NELL1: variants seen among roughly 807,000 people sequenced by gnomAD.
NELL1 encodes the protein neural EGFL like 1, also known as protein kinase C-binding protein NELL1.
In NELL1, 76 loss-of-function variants were observed where a neutral mutation model predicts 107.4. The ratio of observed to expected loss-of-function variants is 0.71; its 90% CI spans 0.59 to 0.86. The LOEUF (loss-of-function observed/expected upper bound fraction) is 0.86. Ranked by LOEUF, NELL1 falls within the 40% of genes least tolerant of loss-of-function variation. The probability of loss-of-function intolerance (pLI) is 0.00; values close to 1 mark genes in which losing one functional copy is unlikely to be tolerated. For missense variants in NELL1, 1,024 were observed against 1,005.5 expected (o/e 1.02, Z -0.25); for synonymous variants, 353 against 341.2 (o/e 1.03, Z -0.38).
At chr11:20,862,834 T>C (rs1849005051) in intron 4 of NELL1, among the ~76,000 whole-genome samples, 1 of 152,124 alleles carries the variant, frequency 6.6e-6, no homozygotes, top group Admixed American at 6.5e-5. Context: ...TTCAAGCATC[T>C]GTTCAACAAA....
intron 5 of NELL1, among the ~76,000 whole-genome samples, chr11:20,911,283 A>G (rs563921626): frequency 3.3e-5 from 5 of 152,312 alleles, no homozygotes; most frequent in South Asian, 4.1e-4. Context: ...AATACTTCCT[A>G]TGTTACAGAC....
intron 2 of NELL1, among the ~76,000 whole-genome samples, chr11:20,695,411 A>G (rs1565311508): frequency 6.6e-6 from 1 of 152,066 alleles, no homozygotes; most frequent in Non-Finnish European, 1.5e-5. Flanking sequence ...CCTGTCCAAT[A>G]CGATGGTGGC....
chr11:21,010,287 G>A (rs906636882), intron 12 of NELL1, among the ~76,000 whole-genome samples: 7 of 151,804 alleles, frequency 4.6e-5, no homozygotes, highest in Non-Finnish European at 1.0e-4. Flanking sequence ...TGCTTGTATT[G>A]CTATATTTTA....
In NELL1 at chr11:21,304,668, A is replaced by G. The variant is rs908375873; in HGVS notation, c.1550-66185A>G. 2.0e-5 allele frequency among the ~76,000 whole-genome samples: 3 copies of G among 151,800 alleles called. No homozygotes were observed. In the East Asian group the frequency reaches 5.8e-4, roughly 30 times the overall value. Reference sequence around the variant, plus strand: ...TATTTTCCTGACAGCTTACATTGTAAATCTTCTGCACTCCTATTTTGTCTT... The same window carrying G: ...TATTTTCCTGACAGCTTACATTGTAGATCTTCTGCACTCCTATTTTGTCTT... On this transcript the variant is annotated intron_variant, in intron 14 of 19. Coordinates refer to ENST00000357134, the MANE Select transcript of NELL1 (RefSeq NM_006157.5).
chr11:21,004,065 C>T (rs1163356189), intron 12 of NELL1, among the ~76,000 whole-genome samples: 1 of 152,036 alleles, frequency 6.6e-6, no homozygotes, highest in Non-Finnish European at 1.5e-5. Context: ...TCACTAATGC[C>T]CTTTGATCCA....
At chr11:21,540,867 T>TA (rs1007920913) in intron 16 of NELL1, among the ~76,000 whole-genome samples, 1 of 152,026 alleles carries the variant, frequency 6.6e-6, no homozygotes, top group African/African-American at 2.4e-5. Context: ...TGAAGTCATT[T>TA]AAAAAAAGAC....
chr11:21,383,014 C>T (rs975195509), intron 15 of NELL1, among the ~76,000 whole-genome samples: 1 of 151,896 alleles, frequency 6.6e-6, no homozygotes, highest in Non-Finnish European at 1.5e-5. Context: ...AGTAACTAGC[C>T]ATAAGTCTTT....
At chr11:21,491,296 G>T (rs530746793) in intron 15 of NELL1, among the ~76,000 whole-genome samples, 43 of 152,086 alleles carry the variant, frequency 2.8e-4, no homozygotes, top group Non-Finnish European at 4.6e-4. Context: ...GAATGCTAAT[G>T]CCTAGATTTT....
At chr11:20,763,772 C>T (rs532403952) in intron 2 of NELL1, among the ~76,000 whole-genome samples, 10 of 152,306 alleles carry the variant, frequency 6.6e-5, no homozygotes, top group African/African-American at 2.4e-4. Context: ...TGAGAAGCAC[C>T]AGGGTGAGGC....
chr11:20,897,085 A>G (rs1270484792), intron 5 of NELL1, among the ~76,000 whole-genome samples: 1 of 152,214 alleles, frequency 6.6e-6, no homozygotes, highest in Admixed American at 6.5e-5. Context: ...ATGGAACTAA[A>G]AAAGAGCCCG....
rs76292965 is a variant in NELL1, at chr11:21,150,913, G to A, written c.1426+37199G>A. Among the ~76,000 whole-genome samples, 114 of 152,216 alleles carry A rather than the reference G, an allele frequency of 7.5e-4. 1 individual carries two copies. The East Asian group carries it at 0.019, about 26-fold the overall frequency. On this transcript the variant is annotated intron_variant, in intron 13 of 19. Coordinates refer to ENST00000357134, the MANE Select transcript of NELL1 (RefSeq NM_006157.5). ...GGAGACTTATAATCATGGTGGAAGG[G>A]CAAAGGGGAAATAAGCACCTTCTTC...
intron 3 of NELL1, among the ~76,000 whole-genome samples, chr11:20,841,105 T>G (rs1348271876): frequency 6.6e-6 from 1 of 152,188 alleles, no homozygotes; most frequent in East Asian, 1.9e-4. Flanking sequence ...TAAAAGTTTA[T>G]TTTTGTTTAC....
intron 14 of NELL1, among the ~76,000 whole-genome samples, chr11:21,362,781 G>C (rs1180496514): frequency 6.6e-6 from 1 of 151,724 alleles, no homozygotes; most frequent in Non-Finnish European, 1.5e-5. Flanking sequence ...TACCAGGGTG[G>C]GTAGATAAAT....
At chr11:21,158,017 AC>A (rs1452601928) in intron 13 of NELL1, among the ~76,000 whole-genome samples, 1 of 152,172 alleles carries the variant, frequency 6.6e-6, no homozygotes, top group Non-Finnish European at 1.5e-5. Context: ...CTGGGTGGGC[AC>A]CATCTAATCA....
chr11:21,139,812 C>A (rs2133770039), intron 13 of NELL1, among the ~76,000 whole-genome samples: 1 of 152,248 alleles, frequency 6.6e-6, no homozygotes, highest in African/African-American at 2.4e-5. Context: ...GCTTTGTTGG[C>A]CCATGTGCAC....
chr11:21,546,471 C>T (rs1057439694), intron 16 of NELL1, among the ~76,000 whole-genome samples: 1 of 151,972 alleles, frequency 6.6e-6, no homozygotes, highest in Non-Finnish European at 1.5e-5. Context: ...TCAATAATCC[C>T]CATGTGTCAT....
intron 13 of NELL1, among the ~76,000 whole-genome samples, chr11:21,127,169 C>G (rs574124296): frequency 3.2e-4 from 49 of 151,920 alleles, no homozygotes; most frequent in African/African-American, 9.9e-4. Flanking sequence ...AGGAAATTTC[C>G]TTAGAGGGAA....
Position 21,431,687 on chromosome 11 carries a change from C to T in NELL1, c.1645+60739C>T, listed in dbSNP as rs191151201. 2.6e-5 allele frequency among the ~76,000 whole-genome samples: 4 copies of T among 152,144 alleles called. No homozygotes were observed. In the East Asian group the frequency reaches 5.8e-4, roughly 22 times the overall value. Reference sequence around the variant, plus strand: ...TTTTCACAGAGTTGGAAGTAGTCTCCGTTTGTGTTGGCCCCAGTGGTTCAT... The same window carrying T: ...TTTTCACAGAGTTGGAAGTAGTCTCTGTTTGTGTTGGCCCCAGTGGTTCAT... On this transcript the variant is annotated intron_variant, in intron 15 of 19. Transcript: ENST00000357134.
chr11:21,337,813 T>C, intron 14 of NELL1, among the ~76,000 whole-genome samples: 1 of 42,238 alleles, frequency 2.4e-5, no homozygotes, highest in African/African-American at 7.7e-5. Context: ...TCTTTCTTGC[T>C]TTCCTTCTTT....
Sources: gnomAD v4.1 joint callset for allele counts (sites outside exome capture counted in the v4.1 genomes callset) on GRCh38, gnomAD v4.1.1 for gene constraint, MANE v1.5 for transcripts, NCBI Gene and HGNC (gene_info 2026-07-23, HGNC 2026-07-21) for gene names.